The following ECD variants were observed in gnomAD, a reference collection of about 807,000 sequenced individuals.
ECD encodes ecdysoneless cell cycle regulator.
ECD carries 59 observed loss-of-function variants against 77.2 expected under a neutral mutation model. The ratio of observed to expected loss-of-function variants is 0.76; its 90% CI spans 0.62 to 0.95. ECD has a LOEUF of 0.95. Ranked by LOEUF, ECD falls within the 40% of genes least tolerant of loss-of-function variation. The pLI is 0.00. For synonymous variants in ECD, 233 were observed against 267.4 expected (o/e 0.87, Z 1.26); for missense variants, 704 against 763.4 (o/e 0.92, Z 0.92).
rs1246711495 is a variant in ECD, at chr10:73,154,423, G to A, written c.616C>T (p.Leu206Phe). ...RGYPEKIQAS[L>F]HRAHCFLPAG... Reference sequence around the variant, plus strand: ...GGAAGGAAGCAGTGTGCTCGATGAAGTGAGGCCTGAATTTTTTCTGGGTAC... The same window carrying A: ...GGAAGGAAGCAGTGTGCTCGATGAAATGAGGCCTGAATTTTTTCTGGGTAC... The change falls in exon 6 of 14, where the codon CTT (leucine) becomes TTT (phenylalanine). Residue 206 changes from leucine to phenylalanine, a missense_variant. This residue lies in a region of ECD where 559 missense variants were observed against 583.7 expected (regional missense o/e 0.96). Coordinates refer to ENST00000372979, the MANE Select transcript of ECD (RefSeq NM_007265.3). 1 of 1,610,586 alleles carries A rather than the reference G, an allele frequency of 6.2e-7. No homozygotes were observed. The highest frequency in any genetic ancestry group is 8.5e-7 in the Non-Finnish European group (1 of 1,179,070).
rs769622760 is a variant in ECD at position 73,163,899 on chromosome 10, T to G, written c.39A>C (p.Thr13=). The change falls in exon 2 of 14, where the codon ACA becomes ACC. Residue 13 remains threonine, a synonymous_variant. Coordinates refer to ENST00000372979, the MANE Select transcript of ECD (RefSeq NM_007265.3). ...GTATCAGGAACAGGCAGTACTCCAC[T>G]GTGTCTTCCATCGTAGCAAGCTTCA... ...ETMKLATMED[T]VEYCLFLIPD... 6.2e-7 allele frequency: 1 copy of G among 1,614,212 alleles called. No individual in the cohort carries two copies. Among genetic ancestry groups the G allele is most frequent in the Non-Finnish European group, 8.5e-7 (1 of 1,180,036 alleles).
chr10:73,159,741 T>G (rs1024310810), intron 3 of ECD, among the ~76,000 whole-genome samples: 1 of 148,958 alleles, frequency 6.7e-6, no homozygotes, highest in Admixed American at 6.7e-5. Context: ...CCTCCCAGGT[T>G]CAAGCAATTC....
At chr10:73,143,139 G>A (rs1843079825) in intron 9 of ECD, among the ~76,000 whole-genome samples, 1 of 152,106 alleles carries the variant, frequency 6.6e-6, no homozygotes, top group Admixed American at 6.6e-5. Flanking sequence ...AATATTTGTT[G>A]AATAAATGAA....
At chr10:73,149,566 T>C (rs1439302924) in intron 7 of ECD, among the ~76,000 whole-genome samples, 1 of 152,220 alleles carries the variant, frequency 6.6e-6, no homozygotes, top group Non-Finnish European at 1.5e-5. Context: ...CAGTTTATTA[T>C]AAAATAGCCT....
At chr10:73,139,829 G>T in intron 9 of ECD, 92 bp from the exon 10 acceptor site, 1 of 835,290 alleles carries the variant, frequency 1.2e-6, no homozygotes, top group Non-Finnish European at 1.8e-6. Context: ...GAAGGGATTA[G>T]CTAGTCTAAT....
intron 7 of ECD, among the ~76,000 whole-genome samples, chr10:73,151,521 C>CATA (rs980896513): frequency 2.2e-5 from 3 of 136,644 alleles, no homozygotes; most frequent in Non-Finnish European, 4.5e-5. Flanking sequence ...AAACTTAAAG[C>CATA]ATAATAATAA....
At chr10:73,146,549 G>A (rs966589280) in intron 8 of ECD, among the ~76,000 whole-genome samples, 188 bp from the exon 9 acceptor site, 7 of 152,132 alleles carry the variant, frequency 4.6e-5, no homozygotes, top group African/African-American at 9.7e-5. Context: ...GAGGGGACGC[G>A]GCTAGATGTA....
At chr10:73,142,813 T>C (rs1843076231) in intron 9 of ECD, among the ~76,000 whole-genome samples, 1 of 152,132 alleles carries the variant, frequency 6.6e-6, no homozygotes. Context: ...GTATTTGCTG[T>C]CTGTCCTTTT....
chr10:73,148,796 G>C (rs1013559976), intron 7 of ECD, among the ~76,000 whole-genome samples: 1 of 151,966 alleles, frequency 6.6e-6, no homozygotes, highest in African/African-American at 2.4e-5. Context: ...AGTAAAGAGA[G>C]GAAATCACTT....
chr10:73,156,226 C>T (rs778563285), intron 5 of ECD, 49 bp downstream of exon 5: 218 of 1,505,694 alleles, frequency 1.4e-4, no homozygotes, highest in Non-Finnish European at 1.7e-4. Flanking sequence ...CTGAACTACA[C>T]GAAACCAAAA....
chr10:73,160,869 G>T (rs1843366461), intron 2 of ECD, among the ~76,000 whole-genome samples: 1 of 152,212 alleles, frequency 6.6e-6, no homozygotes, highest in African/African-American at 2.4e-5. Flanking sequence ...AAATGGAAAA[G>T]TATGTGCAAA....
At chr10:73,167,480 G>A (rs187888438) in intron 1 of ECD, among the ~76,000 whole-genome samples, 44 of 152,190 alleles carry the variant, frequency 2.9e-4, no homozygotes, top group Non-Finnish European at 5.0e-4. Flanking sequence ...AGAAAGAAAT[G>A]GCGGTGGATG....
intron 3 of ECD, among the ~76,000 whole-genome samples, chr10:73,158,553 T>G (rs970837795): frequency 2.6e-5 from 4 of 151,986 alleles, no homozygotes; most frequent in African/African-American, 7.3e-5. Context: ...CTGGCCAACA[T>G]GGTGAAACCT....
chr10:73,159,940 G>A (rs188842581), intron 3 of ECD, among the ~76,000 whole-genome samples: 26 of 150,882 alleles, frequency 1.7e-4, no homozygotes, highest in Admixed American at 1.3e-4. Flanking sequence ...GCGCCTGGCC[G>A]TGTACTTTAA....
chr10:73,158,707 G>A (rs574534508), intron 3 of ECD, among the ~76,000 whole-genome samples: 2 of 152,100 alleles, frequency 1.3e-5, no homozygotes, highest in South Asian at 4.2e-4. Flanking sequence ...CTGCAGTCCA[G>A]TCTGGGCAAG....
intron 13 of ECD, among the ~76,000 whole-genome samples, chr10:73,136,472 T>G (rs190515883): frequency 1.1e-3 from 167 of 152,306 alleles, no homozygotes; most frequent in Non-Finnish European, 2.0e-3. Flanking sequence ...GCATATTATA[T>G]GACTTTTTAT....
At chr10:73,153,064 TG>T (rs1843235558) in intron 6 of ECD, among the ~76,000 whole-genome samples, 1 of 151,130 alleles carries the variant, frequency 6.6e-6, no homozygotes, top group Admixed American at 6.6e-5. Context: ...TTGCAGAGAC[TG>T]GAGTGCAGTG....
rs1438234963 is a variant in ECD, at chr10:73,167,862, T to C, written c.-14+4A>G. 1.8e-5 allele frequency: 3 copies of C among 164,098 alleles called. No individual in the cohort carries two copies. Among genetic ancestry groups the C allele is most frequent in the East Asian group, 1.9e-4 (1 of 5,326 alleles). The allele number at this position is 164,098 out of a possible 1,614,324, so 10.2% of individuals were successfully genotyped here. Reference sequence around the variant, plus strand: ...TCTAACAAAATGAAGCCAATTTCTCTTACGGTTCTAGGGCCTCTCCTTCGC... The same window carrying C: ...TCTAACAAAATGAAGCCAATTTCTCCTACGGTTCTAGGGCCTCTCCTTCGC... On this transcript the variant is annotated splice_donor_region_variant and intron_variant, in intron 1 of 13. Transcript: ENST00000372979.
chr10:73,144,899 GA>G (rs1843103882), intron 9 of ECD, among the ~76,000 whole-genome samples: 2 of 151,992 alleles, frequency 1.3e-5, no homozygotes, highest in African/African-American at 4.8e-5. Context: ...TAAAAAAATG[GA>G]ATAACTAAAA....
Sources: allele counts gnomAD v4.1 joint callset (sites outside exome capture counted in the v4.1 genomes callset), GRCh38; gene constraint gnomAD v4.1.1; regional missense constraint gnomAD v4.1.1; transcripts MANE v1.5; gene names NCBI Gene and HGNC (gene_info 2026-07-23, HGNC 2026-07-21).